Variants in RNF25 observed in about 807,000 individuals in gnomAD.
RNF25 encodes E3 ubiquitin-protein ligase RNF25.
In RNF25, 32 loss-of-function variants were observed where a neutral mutation model predicts 65.0. The ratio of observed to expected loss-of-function variants is 0.49; its 90% confidence interval spans 0.37 to 0.66. The LOEUF (loss-of-function observed/expected upper bound fraction) is 0.66. RNF25 is among the 30% of genes least tolerant of loss of function. The pLI, the probability that RNF25 is intolerant of heterozygous loss-of-function variation, is 0.00. For synonymous variants in RNF25, 207 were observed against 221.2 expected, an observed-to-expected ratio of 0.94 and a Z score of 0.57; for missense variants, 493 against 584.8, an observed-to-expected ratio of 0.84 and a Z score of 1.62.
rs775698540 is a variant in RNF25, at chr2:218,664,542, A to G, written c.802-7T>C. On this transcript the variant is annotated splice_polypyrimidine_tract_variant and splice_region_variant and intron_variant, in intron 9 of 9. Transcript: ENST00000295704. The surrounding 1 kb of genome is among the most constrained non-coding windows in gnomAD (Gnocchi z 5.1). ...GTTCCGCAGGGGCAGGAGGCTAGAAATAAGTGACAAGATGCAGTGAGGGAG... is the reference window on the plus strand; with the variant it reads ...GTTCCGCAGGGGCAGGAGGCTAGAAGTAAGTGACAAGATGCAGTGAGGGAG... 1.2e-6 allele frequency: 2 copies of G among 1,609,836 alleles called. No homozygotes were observed. The highest frequency in any genetic ancestry group is 1.3e-5 in the African/African-American group (1 of 74,840).
chr2:218,671,407 T>A (rs80070612), intron 1 of RNF25, among the ~76,000 whole-genome samples: 1,874 of 152,286 alleles, frequency 0.012, 38 homozygotes, highest in African/African-American at 0.043. Context: ...AGTCTTTGGT[T>A]AAGAATGCTT....
chr2:218,671,266 CTT>C (rs35556340), intron 1 of RNF25, among the ~76,000 whole-genome samples: 4 of 148,240 alleles, frequency 2.7e-5, no homozygotes, highest in African/African-American at 4.9e-5. Context: ...GCCACACCCA[CTT>C]TTTTTTTTTA....
rs1471510988 is a variant in RNF25, at chr2:218,667,877, G to A, written c.357+35C>T. ...CAGCTAGAAACTGCTCTAGCTTGAAGGAAAGAACATATCTCAGACTAGCGC... is the reference window on the plus strand; with the variant it reads ...CAGCTAGAAACTGCTCTAGCTTGAAAGAAAGAACATATCTCAGACTAGCGC... On this transcript the variant is annotated intron_variant, in intron 5 of 9. Coordinates refer to ENST00000295704, the MANE Select transcript of RNF25 (RefSeq NM_022453.3). 6 of 1,596,080 alleles carry A rather than the reference G, an allele frequency of 3.8e-6. No homozygotes were observed. In the South Asian group the frequency reaches 4.4e-5, roughly 12 times the overall value.
At chr2:218,666,773 TGGA>T (rs1256400521) in intron 5 of RNF25, among the ~76,000 whole-genome samples, 1 of 152,242 alleles carries the variant, frequency 6.6e-6, no homozygotes, top group African/African-American at 2.4e-5. Context: ...GGCTGCATTG[TGGA>T]GGCCTGACCT....
At position 218,668,137 on chromosome 2, in the gene RNF25, C is replaced by T; in HGVS notation, c.229G>A (p.Glu77Lys). 6.2e-7 allele frequency: 1 copy of T among 1,614,196 alleles called. No homozygotes were observed. The highest frequency in any genetic ancestry group is 8.5e-7 in the Non-Finnish European group (1 of 1,180,018). Residue 77 changes from glutamate (E) to lysine (K), a missense_variant, in exon 4 of 10, where the codon GAG becomes AAG. Glu to Lys is a moderately conservative substitution (Grantham distance 56). This residue lies in a region of RNF25 where 108 missense variants were observed against 166.0 expected (regional missense o/e 0.65). Coordinates refer to ENST00000295704, the MANE Select transcript of RNF25 (RefSeq NM_022453.3). ...VLQVPAEYPH[E>K]VPQISIRNPR... ...TTTCGGATAGAGATCTGTGGCACCT[C>T]ATGGGGATACTAGTGGGGGCAAATA...
chr2:218,666,491 A>G (rs1415299298), intron 5 of RNF25, among the ~76,000 whole-genome samples: 2 of 152,178 alleles, frequency 1.3e-5, no homozygotes, highest in Non-Finnish European at 2.9e-5. Context: ...GTCACTTTTA[A>G]TATATCTTGG....
At chr2:218,668,979 T>C (rs1022803747) in intron 1 of RNF25, among the ~76,000 whole-genome samples, 3 of 152,198 alleles carry the variant, frequency 2.0e-5, no homozygotes, top group Non-Finnish European at 4.4e-5. Flanking sequence ...GTTTCCTGAC[T>C]CCCTGTTTAA....
In RNF25 at chr2:218,668,123, G is replaced by C. The variant is rs532136833; in HGVS notation, c.243C>G (p.Ile81Met). 1 of 1,614,176 alleles carries C rather than the reference G, an allele frequency of 6.2e-7. No homozygotes were observed. The highest frequency in any genetic ancestry group is 1.1e-5 in the South Asian group (1 of 91,082). ...AAAGTCCTCGGGGATTTCGGATAGA[G>C]ATCTGTGGCACCTCATGGGGATACT... ...PAEYPHEVPQISIRNPRGLSD... is the reference protein window; with the variant it reads ...PAEYPHEVPQMSIRNPRGLSD... Residue 81 changes from isoleucine to methionine, a missense_variant, in exon 4 of 10, where the codon ATC becomes ATG. Physicochemically the swap from Ile to Met is conservative, Grantham distance 10. Transcript: ENST00000295704.
At chr2:218,668,771 C>A (rs761904144) in intron 1 of RNF25, 92 bp from the exon 2 acceptor site, 69 of 883,196 alleles carry the variant, frequency 7.8e-5, no homozygotes, top group Non-Finnish European at 1.1e-4. Flanking sequence ...AGAAAAATGG[C>A]AATCTACCAG....
At chr2:218,666,588 T>C (rs1384237790) in intron 5 of RNF25, among the ~76,000 whole-genome samples, 1 of 152,212 alleles carries the variant, frequency 6.6e-6, no homozygotes, top group Non-Finnish European at 1.5e-5. Context: ...CCCTTCAATA[T>C]CACTCCCCCA....
rs769798221 is a variant in RNF25, at chr2:218,665,139, A to G, written c.666+16T>C. ...TACCATTACTCCTGGCTCAGATTGG[A>G]AAAAAGTCTCCTTACCATGGGCTGT... On this transcript the variant is annotated intron_variant, in intron 8 of 9. Coordinates refer to ENST00000295704, the MANE Select transcript of RNF25 (RefSeq NM_022453.3). 5.9e-5 allele frequency: 95 copies of G among 1,611,420 alleles called. No individual in the cohort carries two copies. The Middle Eastern group carries it at 6.6e-4, about 11-fold the overall frequency.
chr2:218,667,197 AAAC>A (rs1411811081), intron 5 of RNF25, among the ~76,000 whole-genome samples: 1 of 135,924 alleles, frequency 7.4e-6, no homozygotes, highest in African/African-American at 3.7e-5. Context: ...ATTAATAAAT[AAAC>A]AAACTAGGGG....
intron 1 of RNF25, among the ~76,000 whole-genome samples, chr2:218,670,589 G>A (rs896198128): frequency 9.2e-5 from 14 of 151,434 alleles, no homozygotes; most frequent in Non-Finnish European, 8.8e-5. Flanking sequence ...CCAGCTACTC[G>A]GGAGGCTGAG....
chr2:218,666,471 C>T (rs1939828033), intron 5 of RNF25, among the ~76,000 whole-genome samples: 2 of 152,144 alleles, frequency 1.3e-5, no homozygotes, highest in African/African-American at 2.4e-5. Context: ...ATTGTTTTTC[C>T]TTTCATTAAG....
Position 218,664,711 on chromosome 2 carries a change from CA to C in RNF25, c.801+27del. 1 of 1,613,766 alleles carries C rather than the reference CA, an allele frequency of 6.2e-7. No homozygotes were observed. Reference sequence around the variant, plus strand: ...GTTTGTAGAAAGGTTGGTGGCATTACAGGACAACTGGGAAGCCCTTCCCTCA... The same window carrying C: ...GTTTGTAGAAAGGTTGGTGGCATTACGGACAACTGGGAAGCCCTTCCCTCA... On this transcript the variant is annotated intron_variant, in intron 9 of 9. Coordinates refer to ENST00000295704, the MANE Select transcript of RNF25 (RefSeq NM_022453.3). The surrounding 1 kb of genome is among the most constrained non-coding windows in gnomAD (Gnocchi z 5.1).
chr2:218,666,105 A>G lies in RNF25; in HGVS notation c.430-46T>C, dbSNP rs374731251. 5 of 1,611,148 alleles carry G rather than the reference A, an allele frequency of 3.1e-6. No individual in the cohort carries two copies. The African/African-American group carries it at 5.3e-5, about 17-fold the overall frequency. On this transcript the variant is annotated intron_variant, in intron 6 of 9. Coordinates refer to ENST00000295704, the MANE Select transcript of RNF25 (RefSeq NM_022453.3). ...GGGCACTAAGTCAGAGCTCTCTCACAGCCCTCATCTGCTGGTCCCAAACAG... is the reference window on the plus strand; with the variant it reads ...GGGCACTAAGTCAGAGCTCTCTCACGGCCCTCATCTGCTGGTCCCAAACAG...
At position 218,664,803 on chromosome 2, in the gene RNF25, T is replaced by C; in HGVS notation, c.737A>G (p.Gln246Arg). The C allele has an allele frequency of 6.2e-7, 1 of 1,614,266 alleles. No individual in the cohort carries two copies. The highest frequency in any genetic ancestry group is 8.5e-7 in the Non-Finnish European group (1 of 1,180,046). The stretch of plus-strand genomic sequence containing the variant: ...AAGGTCAATGATTCCCCCCCGCTCC[T>C]GCTGCCTCTGGTAGAGCCGCTTGCG... ...EERKRLYQRQ[Q>R]ERGGIIDLEA... Residue 246 changes from glutamine (Q) to arginine (R), a missense_variant, in exon 9 of 10, where the codon CAG becomes CGG. Physicochemically the swap from Gln to Arg is conservative, Grantham distance 43. Coordinates refer to ENST00000295704, the MANE Select transcript of RNF25 (RefSeq NM_022453.3). The surrounding 1 kb of genome is among the most constrained non-coding windows in gnomAD (Gnocchi z 5.1).
At chr2:218,668,485 T>A (rs1411448678) in intron 2 of RNF25, 120 bp downstream of exon 2, 6 of 986,338 alleles carry the variant, frequency 6.1e-6, no homozygotes, top group African/African-American at 1.6e-5. Context: ...ATAGCTTTTG[T>A]CTACACAAGA....
Position 218,668,278 on chromosome 2 carries a change from C to T in RNF25, c.180G>A (p.Gln60=). 6.2e-7 allele frequency: 1 copy of T among 1,614,044 alleles called. No individual in the cohort carries two copies. The highest frequency in any genetic ancestry group is 1.1e-5 in the South Asian group (1 of 91,078). The change falls in exon 3 of 10, where the codon CAG becomes CAA. Residue 60 remains glutamine, a synonymous_variant. Transcript: ENST00000295704. ...HPATAEDQDS[Q]YVCFTLVLQV... is the part of the protein sequence containing the mutation. ...GAAGCACCAGAGTGAAGCAGACATA[C>T]TGTGAATCCTGGTCCTCTGCAGTGG...
Sources: gnomAD v4.1 joint callset for allele counts (sites outside exome capture counted in the v4.1 genomes callset) on GRCh38, gnomAD v4.1.1 for gene constraint, gnomAD v4.1.1 regional missense constraint, Gnocchi (gnomAD v3.1) non-coding constraint, MANE v1.5 for transcripts, NCBI Gene and HGNC (gene_info 2026-07-23, HGNC 2026-07-21) for gene names.